SHPRH: variants seen among roughly 807,000 people sequenced by gnomAD.
SHPRH encodes the protein SNF2 histone linker PHD RING helicase, also known as E3 ubiquitin-protein ligase SHPRH.
SHPRH carries 106 observed loss-of-function variants against 202.5 expected under a neutral mutation model. The observed-to-expected ratio is 0.52, with a 90% confidence interval of 0.45 to 0.62. The LOEUF is 0.62. Among genes scored for constraint, SHPRH ranks in the 20% least tolerant of loss-of-function variants. The pLI, the probability that SHPRH is intolerant of heterozygous loss-of-function variation, is 0.00. For missense variants in SHPRH, 1,710 were observed against 2,020.0 expected, an observed-to-expected ratio of 0.85 and a Z score of 2.94; for synonymous variants, 729 against 686.0, an observed-to-expected ratio of 1.06 and a Z score of -0.98.
At position 145,964,323 on chromosome 6, in the gene SHPRH, C is replaced by T. The variant is rs1015801136; in HGVS notation, c.-625G>A. ...AGGGGTCCCCCGGGAGACCCAGAAA[C>T]CACAGCGCCTAGCTGCCGGGCGCGC... On this transcript the variant is annotated 5_prime_UTR_variant, in exon 1 of 30. Transcript: ENST00000275233. 13 of 152,242 alleles carry T rather than the reference C, an allele frequency of 8.5e-5. No homozygotes were observed. Among genetic ancestry groups the T allele is most frequent in the African/African-American group, 3.1e-4 (13 of 41,458 alleles). The allele number at this position is 152,242 out of a possible 1,614,324, so 9.4% of individuals were successfully genotyped here.
intron 14 of SHPRH, among the ~76,000 whole-genome samples, chr6:145,929,623 C>T (rs1785226197): frequency 6.6e-6 from 1 of 151,896 alleles, no homozygotes; most frequent in South Asian, 2.1e-4. Context: ...TTGAAAATTA[C>T]AATTCAGAAG....
At chr6:145,932,318 C>A (rs200772482) in intron 14 of SHPRH, among the ~76,000 whole-genome samples, 2 of 152,022 alleles carry the variant, frequency 1.3e-5, no homozygotes, top group Non-Finnish European at 2.9e-5. Flanking sequence ...CTCTTCCCTG[C>A]AAAAACTACA....
downstream of SHPRH, among the ~76,000 whole-genome samples, chr6:145,881,941 A>G (rs1163019198): frequency 6.6e-6 from 1 of 152,040 alleles, no homozygotes; most frequent in African/African-American, 2.4e-5. Flanking sequence ...CTGTCTCTAC[A>G]AAAAATTAAC....
intron 23 of SHPRH, among the ~76,000 whole-genome samples, chr6:145,915,037 ATAGAT>A (rs1279708729): frequency 6.6e-6 from 1 of 150,530 alleles, no homozygotes; most frequent in Non-Finnish European, 1.5e-5. Flanking sequence ...GAATCTTAAA[ATAGAT>A]TAAATTATCT....
At chr6:145,893,879 T>C (rs1047644740) in intron 27 of SHPRH, among the ~76,000 whole-genome samples, 2 of 151,506 alleles carry the variant, frequency 1.3e-5, no homozygotes, top group Non-Finnish European at 2.9e-5. Flanking sequence ...CCCTGTCCAT[T>C]CAAAAGGTAT....
At chr6:145,904,620 G>A (rs1057191512) in intron 25 of SHPRH, 1 of 152,310 alleles carries the variant, frequency 6.6e-6, no homozygotes, top group African/African-American at 2.4e-5. Flanking sequence ...CAAGGCAAAT[G>A]TGGCAGACAC....
intron 1 of SHPRH, among the ~76,000 whole-genome samples, chr6:145,958,877 A>G (rs1240258824): frequency 1.3e-5 from 2 of 152,164 alleles, no homozygotes; most frequent in Non-Finnish European, 2.9e-5. Flanking sequence ...TCTGTTGCCC[A>G]GCTGGAGTGC....
At chr6:145,938,237 T>C (rs977310069) in intron 11 of SHPRH, among the ~76,000 whole-genome samples, 4 of 152,048 alleles carry the variant, frequency 2.6e-5, no homozygotes, top group Admixed American at 6.6e-5. Flanking sequence ...ATCTCAAGGG[T>C]TGGTTGTTAC....
chr6:145,919,518 G>A (rs377409318), intron 21 of SHPRH, 27 bp from the exon 22 acceptor site: 20 of 1,607,822 alleles, frequency 1.2e-5, no homozygotes, highest in Non-Finnish European at 1.7e-5. Flanking sequence ...GACAAACACA[G>A]TGGTAAAGCA....
At chr6:145,867,649 G>T (rs1428697693) in intron 2 of SHPRH, among the ~76,000 whole-genome samples, 23 of 135,122 alleles carry the variant, frequency 1.7e-4, no homozygotes, top group African/African-American at 5.8e-4. Context: ...GAGAGAGAGA[G>T]AGAGAGAGAG....
chr6:145,887,725 G>A (rs1490222586), intron 29 of SHPRH, among the ~76,000 whole-genome samples: 1 of 151,950 alleles, frequency 6.6e-6, no homozygotes, highest in Non-Finnish European at 1.5e-5. Context: ...AGTAGAGATG[G>A]GGTTTCACCA....
At chr6:145,873,678 C>CA (rs1780158200) in intron 2 of SHPRH, among the ~76,000 whole-genome samples, 1 of 115,512 alleles carries the variant, frequency 8.7e-6, no homozygotes, top group Admixed American at 1.3e-4. Flanking sequence ...TTTAGTGTCT[C>CA]AGTAACAGTT....
chr6:145,956,195 C>T (rs73582149), intron 1 of SHPRH, among the ~76,000 whole-genome samples: 4,034 of 152,140 alleles, frequency 0.027, 185 homozygotes, highest in African/African-American at 0.092. Context: ...AGGAGTCAAA[C>T]ATGCATAAAA....
chr6:145,932,379 G>A (rs1222923109), intron 14 of SHPRH, among the ~76,000 whole-genome samples: 1 of 152,086 alleles, frequency 6.6e-6, no homozygotes, highest in African/African-American at 2.4e-5. Context: ...TAGACCTAAT[G>A]CAAAAAAAGT....
intron 4 of SHPRH, among the ~76,000 whole-genome samples, chr6:145,949,494 A>G (rs946477882): frequency 3.3e-5 from 5 of 152,082 alleles, no homozygotes; most frequent in African/African-American, 1.2e-4. Flanking sequence ...GAACAGAAAA[A>G]CAAATACCAC....
At chr6:145,920,632 C>A (rs529350031) in intron 21 of SHPRH, among the ~76,000 whole-genome samples, 3 of 151,936 alleles carry the variant, frequency 2.0e-5, no homozygotes, top group Admixed American at 1.3e-4. Context: ...CAATGGATAA[C>A]TAATCCAAAT....
intron 25 of SHPRH, among the ~76,000 whole-genome samples, chr6:145,901,433 A>G (rs1482310442): frequency 1.3e-5 from 2 of 152,122 alleles, no homozygotes; most frequent in Non-Finnish European, 2.9e-5. Flanking sequence ...TTAAAAAAAG[A>G]TAAGATTAAA....
At chr6:145,912,195 T>C (rs1216650132) in intron 24 of SHPRH, among the ~76,000 whole-genome samples, 2 of 151,794 alleles carry the variant, frequency 1.3e-5, no homozygotes, top group African/African-American at 2.4e-5. Context: ...CTGGTACATA[T>C]GGGTTAACTC....
intron 16 of SHPRH, among the ~76,000 whole-genome samples, chr6:145,925,392 G>A (rs922164351): frequency 6.2e-5 from 9 of 144,398 alleles, no homozygotes; most frequent in Non-Finnish European, 1.1e-4. Flanking sequence ...AAAATAAAGA[G>A]GTAATTGATT....
Sources: allele counts gnomAD v4.1 joint callset (sites outside exome capture counted in the v4.1 genomes callset), GRCh38; gene constraint gnomAD v4.1.1; transcripts MANE v1.5; gene names NCBI Gene and HGNC (gene_info 2026-07-23, HGNC 2026-07-21).